The following PKP1 variants were observed in gnomAD, a reference collection of about 807,000 sequenced individuals.
PKP1 encodes plakophilin-1.
Under a neutral mutation model 76.4 loss-of-function variants are expected in PKP1, and 27 were observed. That is an observed-to-expected ratio of 0.35 (90% CI 0.26 to 0.49). The LOEUF (loss-of-function observed/expected upper bound fraction) is 0.49. PKP1 is among the 20% of genes least tolerant of loss of function. The pLI is 0.99. For missense variants in PKP1, 964 were observed against 955.2 expected, an observed-to-expected ratio of 1.01 and a Z score of -0.12; for synonymous variants, 404 against 384.2, an observed-to-expected ratio of 1.05 and a Z score of -0.60.
At chr1:201,309,861 A>G (rs944371695) in intron 2 of PKP1, among the ~76,000 whole-genome samples, 5 of 152,248 alleles carry the variant, frequency 3.3e-5, no homozygotes, top group Non-Finnish European at 7.3e-5. Context: ...GCCTATACAA[A>G]GAATTGTCCT....
chr1:201,285,005 G>A (rs952921329), intron 1 of PKP1, among the ~76,000 whole-genome samples: 1 of 152,162 alleles, frequency 6.6e-6, no homozygotes, highest in Admixed American at 6.5e-5. Context: ...AGGATGCCTG[G>A]TAAGAATTAC....
At chr1:201,321,300 C>T (rs753430256) in intron 7 of PKP1, among the ~76,000 whole-genome samples, 4 of 152,150 alleles carry the variant, frequency 2.6e-5, no homozygotes, top group Non-Finnish European at 5.9e-5. Flanking sequence ...AGTCAGATTC[C>T]CTTAGACCCC....
At chr1:201,306,891 C>T (rs1233802787) in intron 2 of PKP1, among the ~76,000 whole-genome samples, 11 of 152,086 alleles carry the variant, frequency 7.2e-5, no homozygotes, top group Non-Finnish European at 1.3e-4. Context: ...ATCGTGGTCT[C>T]GATCTCCTGA....
chr1:201,297,106 T>C (rs904327170), intron 2 of PKP1, among the ~76,000 whole-genome samples: 1 of 152,244 alleles, frequency 6.6e-6, no homozygotes, highest in African/African-American at 2.4e-5. Context: ...ATCATCATAC[T>C]ATTTATAATC....
At chr1:201,319,991 A>T in intron 6 of PKP1, 1 of 1,194,208 alleles carries the variant, frequency 8.4e-7, no homozygotes, top group Non-Finnish European at 1.2e-6. Flanking sequence ...ATGAGACCTC[A>T]TTTCAGCCTC....
chr1:201,325,133 C>CG lies in PKP1; in HGVS notation c.2021+12dup. The CG allele has an allele frequency of 1.2e-6, 2 of 1,612,942 alleles. No homozygotes were observed. Among genetic ancestry groups the CG allele is most frequent in the Non-Finnish European group, 8.5e-7 (1 of 1,179,750 alleles). On this transcript the variant is annotated splice_region_variant and intron_variant, in intron 11 of 13. Transcript: ENST00000367324. ...ATCAACCTGTGCCGAAGCAGGTGGG[C>CG]GGGGGGTTGCTCCCACGGGCTGCAC...
At position 201,316,658 on chromosome 1, in the gene PKP1, C is replaced by A; in HGVS notation, c.807C>A (p.Ile269=). The A allele has an allele frequency of 1.9e-6, 3 of 1,613,924 alleles. No individual in the cohort carries two copies. Among genetic ancestry groups the A allele is most frequent in the Non-Finnish European group, 2.5e-6 (3 of 1,179,992 alleles). ...EKYQAIGAYY[I]QHTCFQDESA... ...ACCAGGCCATTGGGGCCTATTACAT[C>A]CAGCATACCTGCTTCCAGGATGAAT... Residue 269 remains isoleucine, a synonymous_variant, in exon 4 of 14, where the codon ATC becomes ATA. Coordinates refer to ENST00000367324, the MANE Select transcript of PKP1 (RefSeq NM_001005337.3).
At chr1:201,300,401 C>T (rs1656193784) in intron 2 of PKP1, among the ~76,000 whole-genome samples, 1 of 152,230 alleles carries the variant, frequency 6.6e-6, no homozygotes, top group South Asian at 2.1e-4. Flanking sequence ...CCCTAAGAAG[C>T]TTCTGTTGCC....
intron 1 of PKP1, among the ~76,000 whole-genome samples, chr1:201,288,090 C>A (rs1425171414): frequency 1.3e-5 from 2 of 152,144 alleles, no homozygotes; most frequent in Non-Finnish European, 2.9e-5. Context: ...TGTGTCCTTG[C>A]AGCTGTGCTG....
chr1:201,302,811 TG>T (rs1656273828), intron 2 of PKP1, among the ~76,000 whole-genome samples: 1 of 151,944 alleles, frequency 6.6e-6, no homozygotes, highest in African/African-American at 2.4e-5. Context: ...GAAGACAGGC[TG>T]GGAAGGAGGC....
Position 201,325,592 on chromosome 1 carries a change from G to A in PKP1, c.2022-162G>A, listed in dbSNP as rs1447330721. ...TGTGCCCACTGGGTAGGGTGACCAG[G>A]CTCACCACACCCCAATGGGGCTCCT... On this transcript the variant is annotated intron_variant, in intron 11 of 13. Transcript: ENST00000367324. Among the ~76,000 whole-genome samples the A allele has an allele frequency of 2.0e-5, 3 of 152,058 alleles. No individual in the cohort carries two copies. The East Asian group carries it at 5.8e-4, about 29-fold the overall frequency.
intron 6 of PKP1, chr1:201,320,015 C>T (rs1351022421): frequency 2.4e-5 from 22 of 920,386 alleles, no homozygotes; most frequent in Middle Eastern, 4.7e-4. Flanking sequence ...CAGGGCCAGG[C>T]GGAATTGGCT....
chr1:201,286,896 G>A (rs1655755876), intron 1 of PKP1, among the ~76,000 whole-genome samples: 1 of 152,138 alleles, frequency 6.6e-6, no homozygotes, highest in Non-Finnish European at 1.5e-5. Context: ...CCACCTTCCA[G>A]ATCTTTATAA....
chr1:201,293,948 T>A lies in PKP1; in HGVS notation c.209T>A (p.Met70Lys). The A allele has an allele frequency of 3.7e-6, 6 of 1,611,092 alleles. No homozygotes were observed. The Middle Eastern group carries it at 8.3e-4, about 222-fold the overall frequency. ...STLSHSNRGS[M>K]YDGLADNYNY... is the part of the protein sequence containing the mutation. ...CCCCTCCTTTCTCCTCTAGGTTCCATGTATGATGGCTTGGCTGACAATTAC... is the reference window on the plus strand; with the variant it reads ...CCCCTCCTTTCTCCTCTAGGTTCCAAGTATGATGGCTTGGCTGACAATTAC... The change falls in exon 2 of 14, where the codon ATG (methionine) becomes AAG (lysine). Residue 70 changes from methionine (M) to lysine (K), a missense_variant. Met to Lys is a moderately conservative substitution (Grantham distance 95). Coordinates refer to ENST00000367324, the MANE Select transcript of PKP1 (RefSeq NM_001005337.3).
chr1:201,300,223 C>A (rs778002906), intron 2 of PKP1, among the ~76,000 whole-genome samples: 1 of 152,238 alleles, frequency 6.6e-6, no homozygotes, highest in African/African-American at 2.4e-5. Flanking sequence ...CAGGGGCACC[C>A]CTCCCTGTGG....
Position 201,331,956 on chromosome 1 carries a change from ATTC to A in PKP1, c.*1920_*1922del, listed in dbSNP as rs2102193107. 1 of 152,534 alleles carries A rather than the reference ATTC, an allele frequency of 6.6e-6. No homozygotes were observed. Among genetic ancestry groups the A allele is most frequent in the Admixed American group, 6.5e-5 (1 of 15,310 alleles). 9.4% of individuals were successfully genotyped at this position (152,534 alleles called of 1,614,324 possible). ...TTTGTTGTCATCAGAACCCAGAGGA[ATTC>A]TTCTCCTAAAAAATACGTATGGCAT... On this transcript the variant is annotated 3_prime_UTR_variant, in exon 14 of 14. Transcript: ENST00000367324.
chr1:201,288,866 C>T (rs1368519830), intron 1 of PKP1, among the ~76,000 whole-genome samples: 3 of 152,138 alleles, frequency 2.0e-5, no homozygotes, highest in Non-Finnish European at 2.9e-5. Context: ...TAGGTCTGAA[C>T]GCGTCCCAGC....
chr1:201,293,917 C>T, intron 1 of PKP1, 25 bp from the exon 2 acceptor site: 1 of 1,501,346 alleles, frequency 6.7e-7, no homozygotes, highest in Non-Finnish European at 9.2e-7. Context: ...CCATCCCTGT[C>T]CTAATCCCCT....
At chr1:201,284,033 T>A in intron 1 of PKP1, 129 bp downstream of exon 1, 1 of 851,888 alleles carries the variant, frequency 1.2e-6, no homozygotes, top group Non-Finnish European at 1.9e-6. Context: ...CCAGGCAGGG[T>A]CTACGCACCT....
Sources: gnomAD v4.1 joint callset for allele counts (sites outside exome capture counted in the v4.1 genomes callset) on GRCh38, gnomAD v4.1.1 for gene constraint, MANE v1.5 for transcripts, NCBI Gene and HGNC (gene_info 2026-07-23, HGNC 2026-07-21) for gene names.